Variants in FILIP1L observed in about 807,000 individuals in gnomAD.
The protein encoded by FILIP1L is filamin A-interacting protein 1-like.
Under a neutral mutation model 96.6 loss-of-function variants are expected in FILIP1L, and 55 were observed. That is an observed-to-expected ratio of 0.57 (90% CI 0.46 to 0.71). FILIP1L has a LOEUF of 0.71. Among genes scored for constraint, FILIP1L ranks in the 30% least tolerant of loss-of-function variants. The pLI is 0.00. For missense variants in FILIP1L, 1,304 were observed against 1,321.2 expected (o/e 0.99, Z 0.20); for synonymous variants, 467 against 473.9 (o/e 0.99, Z 0.19).
intron 1 of FILIP1L, among the ~76,000 whole-genome samples, chr3:99,997,588 A>G (rs1449152545): frequency 1.3e-5 from 2 of 152,180 alleles, no homozygotes; most frequent in African/African-American, 4.8e-5. Context: ...AATAGATGGT[A>G]GGGGCAGGGT....
rs547537554 is a variant in FILIP1L at position 99,889,774 on chromosome 3, T to C, written c.605+34456A>G. Among the ~76,000 whole-genome samples the C allele has an allele frequency of 7.2e-5, 11 of 152,184 alleles. No homozygotes were observed. In the East Asian group the frequency reaches 2.1e-3, roughly 29 times the overall value. ...ATCTCACAAGTTAAATTCTCAAAAG[T>C]CTAAAGCTACTCAGTATATTAATCC... On this transcript the variant is annotated intron_variant, in intron 4 of 5. Coordinates refer to ENST00000477258, the MANE Select transcript of FILIP1L (RefSeq NM_001387850.1).
At position 99,973,746 on chromosome 3, in the gene FILIP1L, C is replaced by T. The variant is rs1708890145; in HGVS notation, c.-10-42716G>A. On this transcript the variant is annotated intron_variant, in intron 1 of 5. Coordinates refer to ENST00000477258, the MANE Select transcript of FILIP1L (RefSeq NM_001387850.1). Reference sequence around the variant, plus strand: ...CCTATTTAAGCTCACTTTTTTCCCCCAGTTTGGGTAGCTTTATAATGAAGG... The same window carrying T: ...CCTATTTAAGCTCACTTTTTTCCCCTAGTTTGGGTAGCTTTATAATGAAGG... Among the ~76,000 whole-genome samples the T allele has an allele frequency of 3.9e-5, 6 of 152,234 alleles. No individual in the cohort carries two copies. In the South Asian group the frequency reaches 1.2e-3, roughly 32 times the overall value.
At position 99,996,241 on chromosome 3, in the gene FILIP1L, C is replaced by G. The variant is rs574711409; in HGVS notation, c.-10-65211G>C. Among the ~76,000 whole-genome samples the G allele has an allele frequency of 2.0e-5, 3 of 152,290 alleles. No individual in the cohort carries two copies. The South Asian group carries it at 6.2e-4, about 32-fold the overall frequency. On this transcript the variant is annotated intron_variant, in intron 1 of 5. Coordinates refer to ENST00000477258, the MANE Select transcript of FILIP1L (RefSeq NM_001387850.1). ...TTCAAAGTTTCACAAATCTCTAGGG[C>G]AGGGGCAAAATGCTGCCAATCTCTT...
At chr3:99,964,123 C>G (rs1708575050) in intron 1 of FILIP1L, among the ~76,000 whole-genome samples, 1 of 151,664 alleles carries the variant, frequency 6.6e-6, no homozygotes, top group Admixed American at 6.6e-5. Flanking sequence ...GCAGATTTAC[C>G]CTATAGACTT....
intron 5 of FILIP1L, among the ~76,000 whole-genome samples, chr3:99,831,206 A>C (rs1393930142): frequency 9.9e-5 from 15 of 152,246 alleles, no homozygotes; most frequent in Admixed American, 9.8e-4. Flanking sequence ...TTATAGTATA[A>C]TTATGACAAC....
At chr3:100,041,615 A>T (rs1333183586) in intron 1 of FILIP1L, among the ~76,000 whole-genome samples, 2 of 152,226 alleles carry the variant, frequency 1.3e-5, no homozygotes, top group Admixed American at 6.5e-5. Context: ...AAATTACAGG[A>T]AAGATGATTC....
chr3:99,848,349 G>T lies in FILIP1L; in HGVS notation c.3327C>A (p.Ser1109Arg). 13 of 1,614,122 alleles carry T rather than the reference G, an allele frequency of 8.1e-6. No individual in the cohort carries two copies. The highest frequency in any genetic ancestry group is 2.2e-5 in the South Asian group (2 of 91,078). ...TGGCTGTTGGTGTGATAGTAATACT[G>T]CTGGTGACTTTATTGGTTGTTTTGT... ...ALNKTTNKVT[S>R]SITITPTATP... The change falls in exon 5 of 6, where the codon AGC (serine) becomes AGA (arginine). Residue 1109 changes from serine to arginine, a missense_variant. Transcript: ENST00000477258.
chr3:99,995,496 G>A (rs536589828), intron 1 of FILIP1L, among the ~76,000 whole-genome samples: 5 of 152,250 alleles, frequency 3.3e-5, no homozygotes, highest in African/African-American at 1.2e-4. Context: ...TCCATTCTGG[G>A]GTCTGGAGGA....
chr3:99,969,121 G>T (rs1708740725), intron 1 of FILIP1L, among the ~76,000 whole-genome samples: 1 of 152,158 alleles, frequency 6.6e-6, no homozygotes, highest in Non-Finnish European at 1.5e-5. Context: ...CATGTGTGGA[G>T]GGCAGGGCAG....
chr3:99,929,830 G>A (rs1707419110), intron 3 of FILIP1L, 26 bp downstream of exon 3: 3 of 1,569,310 alleles, frequency 1.9e-6, no homozygotes, highest in South Asian at 2.4e-5. Context: ...TGCCTCCCAG[G>A]TACACACCCC....
intron 3 of FILIP1L, among the ~76,000 whole-genome samples, chr3:99,926,228 C>A (rs1707288865): frequency 6.6e-6 from 1 of 152,208 alleles, no homozygotes; most frequent in Non-Finnish European, 1.5e-5. Context: ...TGAGGTGTCC[C>A]AGCATATAGA....
intron 5 of FILIP1L, among the ~76,000 whole-genome samples, chr3:99,847,322 G>A (rs1388745178): frequency 2.0e-5 from 3 of 149,300 alleles, no homozygotes; most frequent in Non-Finnish European, 4.4e-5. Context: ...AACCCCATAG[G>A]AAAAAGAAAC....
intron 1 of FILIP1L, among the ~76,000 whole-genome samples, chr3:99,971,108 C>T (rs554283365): frequency 1.3e-5 from 2 of 152,188 alleles, no homozygotes; most frequent in East Asian, 1.9e-4. Context: ...GAGGCCAAGG[C>T]GGGCGGATCA....
chr3:100,023,473 G>A (rs1270207665), intron 1 of FILIP1L: 1 of 152,534 alleles, frequency 6.6e-6, no homozygotes, highest in Non-Finnish European at 1.5e-5. Context: ...AGTGAAGTCA[G>A]ACTAAAAAGA....
At chr3:100,013,614 T>G (rs907079419) in intron 1 of FILIP1L, among the ~76,000 whole-genome samples, 35 of 152,184 alleles carry the variant, frequency 2.3e-4, no homozygotes, top group African/African-American at 7.7e-4. Context: ...AGAAAATGAA[T>G]GACCATATTC....
At chr3:100,112,889 C>T (rs1339342461) in intron 1 of FILIP1L, among the ~76,000 whole-genome samples, 2 of 152,114 alleles carry the variant, frequency 1.3e-5, no homozygotes, top group Non-Finnish European at 2.9e-5. Flanking sequence ...GAAATGTTTA[C>T]TTGGAATATT....
chr3:100,054,480 A>ATGTTATGTTT (rs1441683387), intron 1 of FILIP1L, among the ~76,000 whole-genome samples: 1 of 140,186 alleles, frequency 7.1e-6, no homozygotes, highest in Non-Finnish European at 1.6e-5. Flanking sequence ...TCATTATATT[A>ATGTTATGTTT]TGTTATGTTT....
At chr3:100,106,383 C>T (rs1000252961) in intron 1 of FILIP1L, among the ~76,000 whole-genome samples, 3 of 152,112 alleles carry the variant, frequency 2.0e-5, no homozygotes. Flanking sequence ...AAGGACCCTC[C>T]CATCTAGCCA....
intron 1 of FILIP1L, among the ~76,000 whole-genome samples, chr3:100,061,685 T>C (rs934994142): frequency 6.6e-6 from 1 of 152,210 alleles, no homozygotes; most frequent in African/African-American, 2.4e-5. Context: ...ATGAATTCAT[T>C]TAATTCATTT....
Sources: allele counts gnomAD v4.1 joint callset (sites outside exome capture counted in the v4.1 genomes callset), GRCh38; gene constraint gnomAD v4.1.1; transcripts MANE v1.5; gene names NCBI Gene and HGNC (gene_info 2026-07-23, HGNC 2026-07-21).